ATP8B4: variants seen among roughly 807,000 people sequenced by gnomAD.
ATP8B4 encodes ATPase phospholipid transporting 8B4 (putative), also known as probable phospholipid-transporting ATPase IM.
Under a neutral mutation model 145.6 loss-of-function variants are expected in ATP8B4, and 133 were observed. The ratio of observed to expected loss-of-function variants is 0.91; its 90% CI spans 0.79 to 1.05. The LOEUF is 1.05. Ranked by LOEUF, ATP8B4 falls within the 50% of genes least tolerant of loss-of-function variation. ATP8B4 has a pLI of 0.00. For missense variants in ATP8B4, 1,458 were observed against 1,425.2 expected (o/e 1.02, Z -0.37); for synonymous variants, 507 against 492.9 (o/e 1.03, Z -0.38).
At chr15:50,075,432 G>A (rs1326045449) in intron 2 of ATP8B4, among the ~76,000 whole-genome samples, 1 of 152,150 alleles carries the variant, frequency 6.6e-6, no homozygotes, top group Non-Finnish European at 1.5e-5. Context: ...TCACCTCTAA[G>A]GACTGCTCCT....
intron 1 of ATP8B4, among the ~76,000 whole-genome samples, chr15:50,114,111 T>TTTTTTTTTTTTTTTTTTTTTTA (rs2057085191): frequency 7.2e-6 from 1 of 139,060 alleles, no homozygotes; most frequent in Admixed American, 7.3e-5. Flanking sequence ...TTCTTTTTTT[T>TTTTTTTTTTTTTTTTTTTTTTA]TTTTTTTTTT....
chr15:50,122,423 G>C (rs1201836811), upstream of ATP8B4, among the ~76,000 whole-genome samples: 4 of 152,086 alleles, frequency 2.6e-5, no homozygotes, highest in African/African-American at 9.7e-5. Context: ...ACAAATAGTA[G>C]ATTTAGTCAC....
intron 13 of ATP8B4, among the ~76,000 whole-genome samples, chr15:49,964,069 T>C (rs2044320792): frequency 1.3e-5 from 2 of 152,256 alleles, no homozygotes; most frequent in East Asian, 1.9e-4. Flanking sequence ...AAAGTAAGCA[T>C]AGTGGGTTTT....
intron 2 of ATP8B4, among the ~76,000 whole-genome samples, chr15:50,088,776 C>A (rs1283256827): frequency 6.6e-6 from 1 of 152,286 alleles, no homozygotes; most frequent in African/African-American, 2.4e-5. Context: ...ACCTTTGGAA[C>A]AGTGTCTAGC....
chr15:50,127,291 C>CTT (rs1166453967), intron 1 of ATP8B4, among the ~76,000 whole-genome samples: 1 of 152,248 alleles, frequency 6.6e-6, no homozygotes, highest in Non-Finnish European at 1.5e-5. Flanking sequence ...AAATGCTTCA[C>CTT]TTTTCCTCAC....
At chr15:50,142,207 C>T (rs962678124) in intron 1 of ATP8B4, among the ~76,000 whole-genome samples, 8 of 152,010 alleles carry the variant, frequency 5.3e-5, no homozygotes, top group Non-Finnish European at 8.8e-5. Flanking sequence ...CTCTGGATGC[C>T]GAAGGAAAGC....
chr15:49,874,678 A>C (rs1206472181), intron 25 of ATP8B4, among the ~76,000 whole-genome samples: 1 of 152,182 alleles, frequency 6.6e-6, no homozygotes, highest in African/African-American at 2.4e-5. Flanking sequence ...AAACTTGGAT[A>C]ATCAAGGGTT....
At chr15:49,987,579 T>C (rs767338401) in intron 9 of ATP8B4, 30 bp from the exon 10 acceptor site, 9 of 1,594,654 alleles carry the variant, frequency 5.6e-6, no homozygotes, top group Non-Finnish European at 7.7e-6. Flanking sequence ...AACAAACCTC[T>C]TTATGACTCA....
At chr15:50,178,698 T>C (rs1277972466) in intron 1 of ATP8B4, among the ~76,000 whole-genome samples, 2 of 152,170 alleles carry the variant, frequency 1.3e-5, no homozygotes, top group East Asian at 3.8e-4. Context: ...TGTAACATTG[T>C]CTTCGTCTTT....
intron 3 of ATP8B4, among the ~76,000 whole-genome samples, chr15:50,069,307 A>C (rs1172860970): frequency 6.6e-6 from 1 of 152,258 alleles, no homozygotes; most frequent in South Asian, 2.1e-4. Flanking sequence ...CTAAACCTTT[A>C]TTTCTCAAAA....
intron 1 of ATP8B4, chr15:50,113,384 G>C (rs1462521043): frequency 6.6e-6 from 1 of 152,250 alleles, no homozygotes; most frequent in Admixed American, 6.5e-5. Flanking sequence ...GAGTGTGAGG[G>C]TGAGGGTGGG....
intron 14 of ATP8B4, among the ~76,000 whole-genome samples, chr15:49,934,950 A>C (rs1043456503): frequency 6.6e-6 from 1 of 152,126 alleles, no homozygotes; most frequent in Non-Finnish European, 1.5e-5. Context: ...CTAAAGTTAC[A>C]AGAGCAGATA....
At chr15:50,160,041 T>TTTTTTTTTTTG (rs2044493317) in intron 1 of ATP8B4, among the ~76,000 whole-genome samples, 4 of 127,034 alleles carry the variant, frequency 3.1e-5, no homozygotes, top group Non-Finnish European at 6.8e-5. Flanking sequence ...TTTTTTTTGC[T>TTTTTTTTTTTG]GGGAGACTTT....
intron 2 of ATP8B4, among the ~76,000 whole-genome samples, chr15:50,102,277 AC>A (rs1458560149): frequency 1.3e-5 from 2 of 152,068 alleles, no homozygotes; most frequent in African/African-American, 4.8e-5. Flanking sequence ...ACAAAAAAAA[AC>A]CACACAAAAG....
At chr15:49,981,363 C>A in intron 10 of ATP8B4, 69 bp from the exon 11 acceptor site, 2 of 1,200,902 alleles carry the variant, frequency 1.7e-6, no homozygotes, top group Non-Finnish European at 1.2e-6. Context: ...ATGCTCATAT[C>A]AAATGTCTCT....
At chr15:50,089,078 C>T (rs886421636) in intron 2 of ATP8B4, among the ~76,000 whole-genome samples, 1 of 152,066 alleles carries the variant, frequency 6.6e-6, no homozygotes, top group Admixed American at 6.5e-5. Flanking sequence ...TAGCCATATG[C>T]AGAAGATTGA....
At chr15:49,919,184 T>A (rs1341299747) in intron 18 of ATP8B4, among the ~76,000 whole-genome samples, 1 of 152,138 alleles carries the variant, frequency 6.6e-6, no homozygotes, top group Non-Finnish European at 1.5e-5. Flanking sequence ...ATTATTTACT[T>A]GAAGGGGCTG....
rs1170408525 is a variant in ATP8B4 at position 50,086,088 on chromosome 15, CTTA to C, written c.29-11906_29-11904del. ...TATATATAATAAATATAGAACTATA[CTTA>C]TTATATATAATAAAATAAATATAGA... On this transcript the variant is annotated intron_variant, in intron 2 of 27. Coordinates refer to ENST00000284509, the MANE Select transcript of ATP8B4 (RefSeq NM_024837.4). Among the ~76,000 whole-genome samples the C allele has an allele frequency of 5.6e-5, 6 of 107,728 alleles. No homozygotes were observed. In the South Asian group the frequency reaches 8.1e-4, roughly 14 times the overall value. 70.7% of individuals were successfully genotyped at this position (107,728 alleles called of 152,430 possible).
At chr15:50,007,714 C>A (rs1330815050) in intron 7 of ATP8B4, among the ~76,000 whole-genome samples, 2 of 152,020 alleles carry the variant, frequency 1.3e-5, no homozygotes, top group Non-Finnish European at 2.9e-5. Context: ...TAAGTTTTGC[C>A]CCCCGAATAT....
Sources: gnomAD v4.1 joint callset for allele counts (sites outside exome capture counted in the v4.1 genomes callset) on GRCh38, gnomAD v4.1.1 for gene constraint, MANE v1.5 for transcripts, NCBI Gene and HGNC (gene_info 2026-07-23, HGNC 2026-07-21) for gene names.